Variants in RIC1 observed in about 807,000 individuals in gnomAD.
RIC1 encodes the protein guanine nucleotide exchange factor subunit RIC1.
Under a neutral mutation model 169.0 loss-of-function variants are expected in RIC1, and 88 were observed. The ratio of observed to expected loss-of-function variants is 0.52; its 90% CI spans 0.44 to 0.62. RIC1 has a LOEUF of 0.62. RIC1 is among the 20% of genes least tolerant of loss of function. The pLI is 0.00. For missense variants in RIC1, 1,877 were observed against 1,725.5 expected (o/e 1.09, Z -1.56); for synonymous variants, 790 against 601.5 (o/e 1.31, Z -4.59).
chr9:5,651,566 T>TTTTC (rs1818802623), intron 1 of RIC1, among the ~76,000 whole-genome samples: 1 of 147,658 alleles, frequency 6.8e-6, no homozygotes, highest in Non-Finnish European at 1.5e-5. Flanking sequence ...ATCTTTTTTT[T>TTTTC]TTTTTTTTTT....
chr9:5,699,733 A>G (rs1313969247), intron 3 of RIC1, among the ~76,000 whole-genome samples: 1 of 152,100 alleles, frequency 6.6e-6, no homozygotes, highest in Non-Finnish European at 1.5e-5. Context: ...ATAATCTGAG[A>G]TTTACAACAC....
Position 5,740,582 on chromosome 9 carries a change from C to T in RIC1, c.901+2044C>T, listed in dbSNP as rs187590010. Among the ~76,000 whole-genome samples, 140 of 151,594 alleles carry T rather than the reference C, an allele frequency of 9.2e-4. 1 individual carries two copies. Among genetic ancestry groups the T allele is most frequent in the African/African-American group, 3.2e-3 (134 of 41,316 alleles). Reference sequence around the variant, plus strand: ...AGGAGAGCCAGTCCGAGTTCCAAAACTGAAGAACTTGGAGTCTGATGTTTG... The same window carrying T: ...AGGAGAGCCAGTCCGAGTTCCAAAATTGAAGAACTTGGAGTCTGATGTTTG... On this transcript the variant is annotated intron_variant, in intron 8 of 25. Transcript: ENST00000414202.
intron 1 of RIC1, among the ~76,000 whole-genome samples, chr9:5,632,024 T>C (rs1209640137): frequency 6.6e-6 from 1 of 152,210 alleles, no homozygotes; most frequent in Non-Finnish European, 1.5e-5. Context: ...TGAGAGGCTG[T>C]AGATACAAGT....
At chr9:5,650,774 G>C (rs751182128) in intron 1 of RIC1, among the ~76,000 whole-genome samples, 26 of 152,242 alleles carry the variant, frequency 1.7e-4, no homozygotes, top group Admixed American at 3.3e-4. Flanking sequence ...AGCCTCCCCA[G>C]TATACCCTCC....
At chr9:5,646,714 C>G (rs1818535045) in intron 1 of RIC1, among the ~76,000 whole-genome samples, 1 of 152,134 alleles carries the variant, frequency 6.6e-6, no homozygotes, top group South Asian at 2.1e-4. Context: ...AACTTATCCC[C>G]TCTTGTTAAA....
chr9:5,688,618 C>A (rs146666560), intron 2 of RIC1, among the ~76,000 whole-genome samples: 2,023 of 152,180 alleles, frequency 0.013, 54 homozygotes, highest in African/African-American at 0.046. Flanking sequence ...TTGTATCTTA[C>A]AGTGTTGAAA....
At chr9:5,649,686 A>G (rs539136951) in intron 1 of RIC1, among the ~76,000 whole-genome samples, 2 of 147,994 alleles carry the variant, frequency 1.4e-5, no homozygotes, top group South Asian at 4.2e-4. Flanking sequence ...CTTTTTTATT[A>G]GAATCTGTTG....
At chr9:5,737,162 G>T (rs544946551) in intron 7 of RIC1, among the ~76,000 whole-genome samples, 122 of 152,164 alleles carry the variant, frequency 8.0e-4, no homozygotes, top group Non-Finnish European at 1.1e-3. Flanking sequence ...TTAAATTTTT[G>T]AACTGAGAAT....
intron 3 of RIC1, among the ~76,000 whole-genome samples, chr9:5,711,573 A>G (rs911035233): frequency 1.1e-4 from 16 of 150,612 alleles, no homozygotes; most frequent in African/African-American, 3.6e-4. Context: ...TTTATTTTAT[A>G]TATATATATA....
At chr9:5,742,815 A>C in intron 8 of RIC1, 54 bp from the exon 9 acceptor site, 1 of 1,477,722 alleles carries the variant, frequency 6.8e-7, no homozygotes, top group Non-Finnish European at 9.2e-7. Context: ...AAAAAAAAAC[A>C]AGTATTTCTG....
intron 3 of RIC1, among the ~76,000 whole-genome samples, chr9:5,698,578 A>C (rs1042035662): frequency 1.3e-5 from 2 of 152,132 alleles, no homozygotes; most frequent in African/African-American, 4.8e-5. Flanking sequence ...TTTTTCTTAG[A>C]CTTGCTATTG....
At chr9:5,710,563 C>T (rs1455540534) in intron 3 of RIC1, among the ~76,000 whole-genome samples, 1 of 152,172 alleles carries the variant, frequency 6.6e-6, no homozygotes, top group Non-Finnish European at 1.5e-5. Context: ...CACGTAGTCA[C>T]CTTTTTATTG....
chr9:5,677,195 A>G (rs1021477925), intron 2 of RIC1, among the ~76,000 whole-genome samples: 3 of 152,228 alleles, frequency 2.0e-5, no homozygotes, highest in Non-Finnish European at 4.4e-5. Flanking sequence ...GTGGTAGGGT[A>G]TGCCTTTTTA....
Position 5,773,000 on chromosome 9 carries a change from G to T in RIC1, c.3903G>T (p.Gln1301His). 1 of 1,613,646 alleles carries T rather than the reference G, an allele frequency of 6.2e-7. No homozygotes were observed. The highest frequency in any genetic ancestry group is 1.3e-5 in the African/African-American group (1 of 74,976). Reference protein sequence around the residue: ...SIINQILVITQSSEVDGEMLQ... With the variant: ...SIINQILVITHSSEVDGEMLQ... The stretch of plus-strand genomic sequence containing the variant: ...TCAATCAGATTTTGGTTATTACACA[G>T]TCTTCAGAGGTAGATGGAGAGATGT... Residue 1301 changes from glutamine (Q) to histidine (H), a missense_variant, in exon 25 of 26, where the codon CAG (glutamine) becomes CAT (histidine). By Grantham distance (24) the Gln-to-His change is conservative. Coordinates refer to ENST00000414202, the MANE Select transcript of RIC1 (RefSeq NM_020829.4).
chr9:5,634,725 C>G (rs1372869272), intron 1 of RIC1, among the ~76,000 whole-genome samples: 2 of 151,992 alleles, frequency 1.3e-5, no homozygotes, highest in Non-Finnish European at 2.9e-5. Context: ...TTCATGTAAT[C>G]CTACTTGTTT....
At chr9:5,743,054 T>TAATG in intron 9 of RIC1, 41 bp downstream of exon 9, 1 of 1,579,342 alleles carries the variant, frequency 6.3e-7, no homozygotes, top group South Asian at 1.2e-5. Flanking sequence ...ATAACTCCAT[T>TAATG]ATTTCTCACA....
chr9:5,698,562 G>A (rs1007874300), intron 3 of RIC1, among the ~76,000 whole-genome samples: 2 of 152,048 alleles, frequency 1.3e-5, no homozygotes, highest in African/African-American at 2.4e-5. Flanking sequence ...CTACTTTCTT[G>A]TGATATTTTT....
intron 4 of RIC1, among the ~76,000 whole-genome samples, chr9:5,719,715 G>A (rs1823472275): frequency 6.6e-6 from 1 of 152,112 alleles, no homozygotes; most frequent in South Asian, 2.1e-4. Context: ...ACCACATACA[G>A]CTCATAGCTA....
intron 3 of RIC1, 162 bp from the exon 4 acceptor site, chr9:5,713,734 C>A: frequency 2.2e-6 from 1 of 462,980 alleles, no homozygotes; most frequent in East Asian, 3.5e-5. Flanking sequence ...TAGATAATGT[C>A]TGCTATAATA....
Sources: allele counts gnomAD v4.1 joint callset (sites outside exome capture counted in the v4.1 genomes callset), GRCh38; gene constraint gnomAD v4.1.1; transcripts MANE v1.5; gene names NCBI Gene and HGNC (gene_info 2026-07-23, HGNC 2026-07-21).